The following USP5 variants were observed in gnomAD, a reference collection of about 807,000 sequenced individuals.
USP5 encodes the protein ubiquitin carboxyl-terminal hydrolase 5.
Under a neutral mutation model 102.5 loss-of-function variants are expected in USP5, and 24 were observed. That is an observed-to-expected ratio of 0.23 (90% confidence interval 0.17 to 0.33). The LOEUF is 0.33. Ranked by LOEUF, USP5 falls within the 10% of genes least tolerant of loss-of-function variation. The pLI, the probability that USP5 is intolerant of heterozygous loss-of-function variation, is 1.00. For synonymous variants in USP5, 460 were observed against 434.8 expected, an observed-to-expected ratio of 1.06 and a Z score of -0.72; for missense variants, 753 against 1,122.1, an observed-to-expected ratio of 0.67 and a Z score of 4.70.
chr12:6,856,199 G>C lies in USP5; in HGVS notation c.438+49G>C. 1 of 1,611,598 alleles carries C rather than the reference G, an allele frequency of 6.2e-7. No homozygotes were observed. The highest frequency in any genetic ancestry group is 1.1e-5 in the South Asian group (1 of 90,954). On this transcript the variant is annotated intron_variant, in intron 4 of 19. Transcript: ENST00000229268. The surrounding 1 kb of genome is among the most constrained non-coding windows in gnomAD (Gnocchi z 5.6). ...CAAGATTCTAGAGCAAGATGGGCCA[G>C]GGTAGTGGTGTCTTAGGCAAGCACT... is the stretch of plus-strand genomic sequence containing the variant.
intron 7 of USP5, 133 bp downstream of exon 7, chr12:6,857,856 T>C (rs1944166682): frequency 1.3e-6 from 1 of 773,904 alleles, no homozygotes; most frequent in Admixed American, 2.6e-5. Flanking sequence ...CAGGCTTCTT[T>C]TAAATATCTA....
chr12:6,855,531 G>A lies in USP5; in HGVS notation c.237+5G>A. On this transcript the variant is annotated splice_donor_5th_base_variant and intron_variant, in intron 2 of 19. Transcript: ENST00000229268. The surrounding 1 kb of genome is among the most constrained non-coding windows in gnomAD (Gnocchi z 4.6). The stretch of plus-strand genomic sequence containing the variant: ...CTCCGGCGGACCCGGCGCCCGGTAG[G>A]AGCAGGGCTGGGGCAAGGCCTGGGT... 6.2e-7 allele frequency: 1 copy of A among 1,613,970 alleles called. No homozygotes were observed. Among genetic ancestry groups the A allele is most frequent in the Non-Finnish European group, 8.5e-7 (1 of 1,180,036 alleles).
At position 6,856,516 on chromosome 12, in the gene USP5, G is replaced by T; in HGVS notation, c.584+66G>T. On this transcript the variant is annotated intron_variant, in intron 5 of 19. Transcript: ENST00000229268. The surrounding 1 kb of genome is among the most constrained non-coding windows in gnomAD (Gnocchi z 5.6). ...CAAGGACAAGGAGCCCACTTTTCTGGGGGATCTGGTGGGAGAGAGGGTAGG... is the reference window on the plus strand; with the variant it reads ...CAAGGACAAGGAGCCCACTTTTCTGTGGGATCTGGTGGGAGAGAGGGTAGG... The T allele has an allele frequency of 1.3e-6, 2 of 1,561,434 alleles. No homozygotes were observed. The highest frequency in any genetic ancestry group is 1.7e-6 in the Non-Finnish European group (2 of 1,154,910).
Position 6,863,118 on chromosome 12 carries a change from G to A in USP5, c.1763-68G>A. ...AGCAGTTCTGACATAGGGGGCAGGG[G>A]ATTGAGGTTCCCGAATCACTTTCCA... On this transcript the variant is annotated intron_variant, in intron 14 of 19. Transcript: ENST00000229268. This position sits in a 1 kb window ranked among gnomAD's most constrained non-coding sequence, Gnocchi z 4.7. 2.0e-6 allele frequency: 3 copies of A among 1,497,546 alleles called. No homozygotes were observed. The South Asian group carries it at 3.9e-5, about 19-fold the overall frequency. The allele number at this position is 1,497,546 out of a possible 1,614,324, so 92.8% of individuals were successfully genotyped here.
chr12:6,857,510 G>A (rs1319840728), intron 6 of USP5, 119 bp from the exon 7 acceptor site: 18 of 793,952 alleles, frequency 2.3e-5, no homozygotes, highest in Non-Finnish European at 3.6e-5. Context: ...GGAACCAAGA[G>A]GGTGGACCTT....
intron 8 of USP5, among the ~76,000 whole-genome samples, 178 bp from the exon 9 acceptor site, chr12:6,859,292 A>G (rs1555128978): frequency 6.6e-6 from 1 of 152,104 alleles, no homozygotes; most frequent in African/African-American, 2.4e-5. Flanking sequence ...CACATTGGAC[A>G]TAGCTGAGAA....
chr12:6,865,343 A>AG, intron 19 of USP5, 95 bp downstream of exon 19: 1 of 1,141,568 alleles, frequency 8.8e-7, no homozygotes, highest in Admixed American at 1.8e-5. Flanking sequence ...GAGAAGGTGA[A>AG]GGGACTGCCT....
intron 1 of USP5, among the ~76,000 whole-genome samples, chr12:6,852,863 G>C (rs1943973845): frequency 6.6e-6 from 1 of 152,194 alleles, no homozygotes; most frequent in South Asian, 2.1e-4. Context: ...GGAGAGGAAA[G>C]CTCTAGTCGT....
chr12:6,857,451 C>G (rs782546590), intron 6 of USP5, 178 bp from the exon 7 acceptor site: 1 of 545,716 alleles, frequency 1.8e-6, no homozygotes, highest in African/African-American at 1.9e-5. Context: ...CTTCCCTGAC[C>G]GTCAGCCCCA....
chr12:6,862,432 G>A (rs1944307478), intron 13 of USP5, 38 bp from the exon 14 acceptor site: 1 of 1,586,954 alleles, frequency 6.3e-7, no homozygotes, highest in Non-Finnish European at 8.7e-7. Flanking sequence ...GAAAACCCTG[G>A]GGATTGTCTG....
chr12:6,857,703 G>A lies in USP5; in HGVS notation c.844G>A (p.Asp282Asn), dbSNP rs373385702. The A allele has an allele frequency of 6.8e-6, 11 of 1,613,980 alleles. No individual in the cohort carries two copies. The highest frequency in any genetic ancestry group is 4.0e-5 in the African/African-American group (3 of 74,914). Reference sequence around the variant, plus strand: ...TGAGCACCTGTCCCACTTCGGCATCGACATGCTGAAGATGCAGAAGGTGAG... The same window carrying A: ...TGAGCACCTGTCCCACTTCGGCATCAACATGCTGAAGATGCAGAAGGTGAG... ...LAEHLSHFGI[D>N]MLKMQKTDKT... The change falls in exon 7 of 20, where the codon GAC becomes AAC. Residue 282 changes from aspartate to asparagine, a missense_variant. Physicochemically the swap from Asp to Asn is conservative, Grantham distance 23. Coordinates refer to ENST00000229268, the MANE Select transcript of USP5 (RefSeq NM_001098536.2).
chr12:6,854,761 A>C (rs1264047066), intron 1 of USP5, among the ~76,000 whole-genome samples: 1 of 150,476 alleles, frequency 6.6e-6, no homozygotes, highest in Non-Finnish European at 1.5e-5. Context: ...TCTCTAAAAT[A>C]AAATTTTTTT....
At chr12:6,853,449 C>G (rs782778240) in intron 1 of USP5, among the ~76,000 whole-genome samples, 1 of 152,242 alleles carries the variant, frequency 6.6e-6, no homozygotes, top group African/African-American at 2.4e-5. Context: ...TAAAAGAGCA[C>G]TGCGCGGAGC....
In USP5 at chr12:6,855,361, T is replaced by A; in HGVS notation, c.112-40T>A. On this transcript the variant is annotated intron_variant, in intron 1 of 19. Coordinates refer to ENST00000229268, the MANE Select transcript of USP5 (RefSeq NM_001098536.2). This position sits in a 1 kb window ranked among gnomAD's most constrained non-coding sequence, Gnocchi z 4.6. ...GGTTTCCTCACCTGACCAGGCTTCA[T>A]AACATCCTCGTGTTTTCACCCTTAC... The A allele has an allele frequency of 1.2e-6, 2 of 1,608,852 alleles. No individual in the cohort carries two copies.
chr12:6,861,421 C>T lies in USP5; in HGVS notation c.1499-22C>T, dbSNP rs1555129502. 1.3e-6 allele frequency: 2 copies of T among 1,548,338 alleles called. No individual in the cohort carries two copies. The highest frequency in any genetic ancestry group is 1.9e-5 in the Admixed American group (1 of 53,010). On this transcript the variant is annotated intron_variant, in intron 12 of 19. Coordinates refer to ENST00000229268, the MANE Select transcript of USP5 (RefSeq NM_001098536.2). The surrounding 1 kb of genome is among the most constrained non-coding windows in gnomAD (Gnocchi z 4.9). ...AAGAAGCAGCACCCTCCGAAGGATCCACCAACCCATTCTGTCACCAGAGGA... is the reference window on the plus strand; with the variant it reads ...AAGAAGCAGCACCCTCCGAAGGATCTACCAACCCATTCTGTCACCAGAGGA...
At position 6,861,486 on chromosome 12, in the gene USP5, G is replaced by A; in HGVS notation, c.1542G>A (p.Glu514=). The A allele has an allele frequency of 1.9e-6, 3 of 1,595,012 alleles. No homozygotes were observed. The highest frequency in any genetic ancestry group is 2.6e-6 in the Non-Finnish European group (3 of 1,165,976). The change falls in exon 13 of 20, where the codon GAG becomes GAA. Residue 514 remains glutamate (E), a synonymous_variant. Transcript: ENST00000229268. This position sits in a 1 kb window ranked among gnomAD's most constrained non-coding sequence, Gnocchi z 4.9. ...AGGAGAAGAAGCGGCAAGCCGAAGA[G>A]GAGAAGATGGCACTGCCAGAACTGG... The part of the protein sequence containing the change: ...EYEEKKRQAE[E]EKMALPELVR...
rs1210969518 is a variant in USP5, at chr12:6,861,205, G to A, written c.1498+99G>A. On this transcript the variant is annotated intron_variant, in intron 12 of 19. Coordinates refer to ENST00000229268, the MANE Select transcript of USP5 (RefSeq NM_001098536.2). The surrounding 1 kb of genome is among the most constrained non-coding windows in gnomAD (Gnocchi z 4.9). ...GGGAGCACAGCCCAGGGAATGCCCT[G>A]CTTCACCAGCCAAGGTTCCAGTCTG... 5 of 1,538,878 alleles carry A rather than the reference G, an allele frequency of 3.2e-6. No homozygotes were observed. The East Asian group carries it at 1.1e-4, about 35-fold the overall frequency.
In USP5 at chr12:6,855,160, G is replaced by C. The variant is rs1026765849; in HGVS notation, c.112-241G>C. Among the ~76,000 whole-genome samples, 3 of 152,162 alleles carry C rather than the reference G, an allele frequency of 2.0e-5. No individual in the cohort carries two copies. The highest frequency in any genetic ancestry group is 4.4e-5 in the Non-Finnish European group (3 of 68,030). Reference sequence around the variant, plus strand: ...TGCTGTTGAATGGCGACGATGAGCTGGTGTTCCTCAGCCCCCTGATGTCCT... The same window carrying C: ...TGCTGTTGAATGGCGACGATGAGCTCGTGTTCCTCAGCCCCCTGATGTCCT... On this transcript the variant is annotated intron_variant, in intron 1 of 19. Coordinates refer to ENST00000229268, the MANE Select transcript of USP5 (RefSeq NM_001098536.2). The surrounding 1 kb of genome is among the most constrained non-coding windows in gnomAD (Gnocchi z 4.6).
chr12:6,858,801 T>C lies in USP5; in HGVS notation c.1058+184T>C. ...CGGGAGGCCAAGATGGGAGAATTGC[T>C]TGAGCCCAGGAGGTTGAGACCAGCC... On this transcript the variant is annotated intron_variant, in intron 8 of 19. Coordinates refer to ENST00000229268, the MANE Select transcript of USP5 (RefSeq NM_001098536.2). The surrounding 1 kb of genome is among the most constrained non-coding windows in gnomAD (Gnocchi z 4.2). The C allele has an allele frequency of 1.9e-6, 1 of 533,576 alleles. No individual in the cohort carries two copies. The highest frequency in any genetic ancestry group is 3.3e-6 in the Non-Finnish European group (1 of 306,524). 33.1% of individuals were successfully genotyped at this position (533,576 alleles called of 1,614,324 possible). A position where few individuals can be genotyped will look rare whatever the true frequency, so the allele number is the denominator to read the frequency against.
Sources: gnomAD v4.1 joint callset for allele counts (sites outside exome capture counted in the v4.1 genomes callset) on GRCh38, gnomAD v4.1.1 for gene constraint, Gnocchi (gnomAD v3.1) non-coding constraint, MANE v1.5 for transcripts, NCBI Gene and HGNC (gene_info 2026-07-23, HGNC 2026-07-21) for gene names.